TAFA2: variants seen among roughly 807,000 people sequenced by gnomAD.
TAFA2 encodes the protein chemokine-like protein TAFA-2.
In TAFA2, 7 loss-of-function variants were observed where a neutral mutation model predicts 18.8. The observed-to-expected ratio is 0.37, with a 90% confidence interval of 0.21 to 0.70. The LOEUF is 0.70. Ranked by LOEUF, TAFA2 falls within the 30% of genes least tolerant of loss-of-function variation. The probability of loss-of-function intolerance (pLI) is 0.53; values close to 1 mark genes in which losing one functional copy is unlikely to be tolerated. For missense variants in TAFA2, 122 were observed against 158.1 expected, an observed-to-expected ratio of 0.77 and a Z score of 1.23; for synonymous variants, 60 against 54.2, an observed-to-expected ratio of 1.11 and a Z score of -0.47.
intron 1 of TAFA2, among the ~76,000 whole-genome samples, chr12:61,908,585 C>A (rs945314258): frequency 2.6e-5 from 4 of 152,002 alleles, no homozygotes; most frequent in Non-Finnish European, 5.9e-5. Context: ...TCCAGGTACG[C>A]TCAAAAAAAC....
intron 4 of TAFA2, among the ~76,000 whole-genome samples, chr12:61,721,479 A>G (rs1251261003): frequency 6.6e-6 from 1 of 152,198 alleles, no homozygotes; most frequent in Non-Finnish European, 1.5e-5. Context: ...AGGGTGATAA[A>G]TGGAACCAAG....
At chr12:61,967,352 G>T (rs1879103037) in intron 1 of TAFA2, among the ~76,000 whole-genome samples, 1 of 151,782 alleles carries the variant, frequency 6.6e-6, no homozygotes, top group African/African-American at 2.4e-5. Context: ...GTTCCAAAGA[G>T]ATTCTATAGC....
intron 2 of TAFA2, among the ~76,000 whole-genome samples, chr12:61,856,356 G>A (rs1873884633): frequency 6.6e-6 from 1 of 151,784 alleles, no homozygotes; most frequent in Non-Finnish European, 1.5e-5. Flanking sequence ...TAAAATATAT[G>A]AAAAGATGAT....
At chr12:62,048,783 C>A (rs902449560) in intron 1 of TAFA2, among the ~76,000 whole-genome samples, 5 of 152,128 alleles carry the variant, frequency 3.3e-5, no homozygotes, top group African/African-American at 1.2e-4. Context: ...AACCCAAGGC[C>A]TACACTTTGC....
intron 1 of TAFA2, among the ~76,000 whole-genome samples, chr12:61,885,175 C>T (rs1472879726): frequency 6.6e-6 from 1 of 152,186 alleles, no homozygotes; most frequent in East Asian, 1.9e-4. Context: ...AGTCAGAGCA[C>T]ACCCAAAAGG....
At position 62,179,302 on chromosome 12, in the gene TAFA2, G is replaced by A. The variant is rs139668400; in HGVS notation, c.-2+11957C>T. ...TTCTAGGGAGGAAGTCGACAGAAAG[G>A]ACAATGACCAAGATGTGTTCAAGTG... On this transcript the variant is annotated intron_variant, in intron 1 of 4. Coordinates refer to ENST00000416284, the MANE Select transcript of TAFA2 (RefSeq NM_178539.5). Among the ~76,000 whole-genome samples, 528 of 152,252 alleles carry A rather than the reference G, an allele frequency of 3.5e-3. 2 individuals carry two copies. The highest frequency in any genetic ancestry group is 6.4e-3 in the Non-Finnish European group (434 of 68,016).
chr12:62,247,197 T>C (rs2136992775), intron 1 of TAFA2, among the ~76,000 whole-genome samples: 1 of 152,306 alleles, frequency 6.6e-6, no homozygotes, highest in South Asian at 2.1e-4. Flanking sequence ...CCCTTAAATT[T>C]TTAACATGCT....
intron 1 of TAFA2, among the ~76,000 whole-genome samples, chr12:61,932,558 G>A (rs141641078): frequency 0.013 from 1,999 of 152,196 alleles, 52 homozygotes; most frequent in African/African-American, 0.046. Flanking sequence ...TCCTGCCTCA[G>A]CCTCCCAAGT....
intron 1 of TAFA2, among the ~76,000 whole-genome samples, chr12:62,092,937 C>T (rs973857994): frequency 1.3e-5 from 2 of 152,008 alleles, no homozygotes; most frequent in Non-Finnish European, 2.9e-5. Context: ...GAATACTCGG[C>T]ACTTACCATG....
chr12:62,082,193 A>G (rs1868335377), intron 1 of TAFA2, among the ~76,000 whole-genome samples: 1 of 152,136 alleles, frequency 6.6e-6, no homozygotes, highest in Non-Finnish European at 1.5e-5. Context: ...CCAGACTATC[A>G]TTGATGGACA....
intron 1 of TAFA2, among the ~76,000 whole-genome samples, chr12:62,094,749 T>C (rs992079523): frequency 6.6e-6 from 1 of 151,274 alleles, no homozygotes. Flanking sequence ...ATTTTACACA[T>C]AAAAAAAATG....
intron 1 of TAFA2, chr12:62,242,567 C>A: frequency 6.5e-6 from 1 of 154,484 alleles, no homozygotes; most frequent in South Asian, 1.8e-4. Flanking sequence ...TCATGTGATC[C>A]TCTCTAATAA....
intron 1 of TAFA2, among the ~76,000 whole-genome samples, chr12:62,112,905 C>G (rs1869796310): frequency 6.6e-6 from 1 of 152,092 alleles, no homozygotes; most frequent in Non-Finnish European, 1.5e-5. Context: ...GGGTTCTTAG[C>G]TTCCTTGCAC....
intron 4 of TAFA2, among the ~76,000 whole-genome samples, chr12:61,721,654 A>G (rs1316605100): frequency 1.3e-5 from 2 of 152,190 alleles, no homozygotes; most frequent in East Asian, 3.9e-4. Flanking sequence ...AGATATAGAT[A>G]GATGTTTAAA....
At chr12:61,767,990 A>G (rs1869861727) in intron 2 of TAFA2, among the ~76,000 whole-genome samples, 1 of 152,136 alleles carries the variant, frequency 6.6e-6, no homozygotes, top group South Asian at 2.1e-4. Flanking sequence ...GTAAAAATGT[A>G]TTAGGAGAAC....
intron 1 of TAFA2, among the ~76,000 whole-genome samples, chr12:62,132,581 AAAC>A (rs1392069734): frequency 5.3e-5 from 8 of 152,032 alleles, no homozygotes; most frequent in African/African-American, 1.4e-4. Flanking sequence ...GCTCAAAATA[AAAC>A]AACGTAGAAA....
intron 1 of TAFA2, among the ~76,000 whole-genome samples, chr12:62,233,674 A>G (rs1413409797): frequency 6.6e-6 from 1 of 152,174 alleles, no homozygotes; most frequent in East Asian, 1.9e-4. Context: ...CATGGAAGGG[A>G]TCTGGTGCCC....
At chr12:61,966,907 G>A (rs2136660237) in intron 1 of TAFA2, among the ~76,000 whole-genome samples, 1 of 151,996 alleles carries the variant, frequency 6.6e-6, no homozygotes, top group South Asian at 2.1e-4. Flanking sequence ...TGTTTTGCCA[G>A]TCAATGAAAC....
intron 1 of TAFA2, among the ~76,000 whole-genome samples, chr12:61,884,195 G>A (rs1193449965): frequency 6.6e-6 from 1 of 152,112 alleles, no homozygotes; most frequent in African/African-American, 2.4e-5. Flanking sequence ...AGGAATAAGA[G>A]GTAAGCTTGA....
Sources: allele counts gnomAD v4.1 joint callset (sites outside exome capture counted in the v4.1 genomes callset), GRCh38; gene constraint gnomAD v4.1.1; transcripts MANE v1.5; gene names NCBI Gene and HGNC (gene_info 2026-07-23, HGNC 2026-07-21).